TG: variants seen among roughly 807,000 people sequenced by gnomAD.
The protein encoded by TG is thyroglobulin.
In TG, 270 loss-of-function variants were observed where a neutral mutation model predicts 324.7. That is an observed-to-expected ratio of 0.83 (90% CI 0.75 to 0.92). The LOEUF (loss-of-function observed/expected upper bound fraction) is 0.92. TG is among the 40% of genes least tolerant of loss of function. The probability of loss-of-function intolerance (pLI) is 0.00; values close to 1 mark genes in which losing one functional copy is unlikely to be tolerated. For synonymous variants in TG, 1,401 were observed against 1,327.0 expected (o/e 1.06, Z -1.21); for missense variants, 3,591 against 3,456.4 (o/e 1.04, Z -0.98).
rs530670609 is a variant in TG, at chr8:133,010,856, G to C, written c.6263-1045G>C. 9.2e-5 allele frequency among the ~76,000 whole-genome samples: 14 copies of C among 152,258 alleles called. No individual in the cohort carries two copies. In the South Asian group the frequency reaches 1.2e-3, roughly 14 times the overall value. ...CCATGCTGAGACAGCCACGTCCTAC[G>C]TACAGGACTAGGGAGGCAGCACCAG... On this transcript the variant is annotated intron_variant, in intron 35 of 47. Transcript: ENST00000220616.
intron 41 of TG, among the ~76,000 whole-genome samples, chr8:133,040,870 C>T (rs565891784): frequency 6.6e-6 from 1 of 152,212 alleles, no homozygotes; most frequent in Non-Finnish European, 1.5e-5. Context: ...CTCTTTCACT[C>T]TAGAAGCTCA....
chr8:132,988,444 G>A (rs1201436510), intron 35 of TG, among the ~76,000 whole-genome samples: 7 of 102,212 alleles, frequency 6.8e-5, no homozygotes, highest in Non-Finnish European at 1.3e-4. Flanking sequence ...GGGCCAAAGC[G>A]TAAAGTGCAT....
intron 20 of TG, among the ~76,000 whole-genome samples, chr8:132,914,955 CGTGTGTGTATGAGTGT>C: frequency 2.0e-5 from 3 of 151,722 alleles, no homozygotes; most frequent in Admixed American, 2.0e-4. Flanking sequence ...GTGTATGTGG[CGTGTGTGTATGAGTGT>C]GTGTGTGTAT....
intron 16 of TG, among the ~76,000 whole-genome samples, chr8:132,902,815 C>G (rs377099105): frequency 6.6e-6 from 1 of 152,140 alleles, no homozygotes; most frequent in African/African-American, 2.4e-5. Flanking sequence ...GCTCCTTTAG[C>G]GCTTAGGAAG....
chr8:132,917,552 C>G (rs984604869), intron 20 of TG, among the ~76,000 whole-genome samples: 1 of 152,068 alleles, frequency 6.6e-6, no homozygotes, highest in East Asian at 1.9e-4. Context: ...GGAAACGTGA[C>G]AAGAAGTGGG....
At chr8:133,024,817 G>A (rs901832359) in intron 40 of TG, among the ~76,000 whole-genome samples, 1 of 152,120 alleles carries the variant, frequency 6.6e-6, no homozygotes, top group Admixed American at 6.6e-5. Context: ...TCAGTGATGG[G>A]CGTTTGGGTT....
At chr8:132,948,993 A>G (rs764186485) in intron 27 of TG, 50 bp downstream of exon 27, 9 of 1,541,714 alleles carry the variant, frequency 5.8e-6, no homozygotes, top group Admixed American at 1.7e-5. Flanking sequence ...TCTTCACACG[A>G]GCAAGGCCCT....
In TG at chr8:132,948,950, C is replaced by G. The variant is rs749339050; in HGVS notation, c.5401+7C>G. The G allele has an allele frequency of 1.2e-6, 2 of 1,612,454 alleles. No individual in the cohort carries two copies. Among genetic ancestry groups the G allele is most frequent in the Non-Finnish European group, 1.7e-6 (2 of 1,179,824 alleles). ...GACCAGGAGTTCATCAAGAGTAAGT[C>G]TTTGCCATTTGTCCATATTCTTTCA... On this transcript the variant is annotated splice_region_variant and intron_variant, in intron 27 of 47. Coordinates refer to ENST00000220616, the MANE Select transcript of TG (RefSeq NM_003235.5).
chr8:132,868,299 C>A, intron 2 of TG, 76 bp downstream of exon 2: 1 of 1,346,582 alleles, frequency 7.4e-7, no homozygotes, highest in Non-Finnish European at 1.0e-6. Context: ...CCCCCTCTTC[C>A]TGAGCTCTGC....
chr8:132,871,811 A>G (rs80243526), intron 4 of TG, among the ~76,000 whole-genome samples: 9 of 152,358 alleles, frequency 5.9e-5, no homozygotes, highest in Admixed American at 1.3e-4. Flanking sequence ...GACCTGAGTC[A>G]CTGCATGGGT....
intron 5 of TG, among the ~76,000 whole-genome samples, chr8:132,877,507 G>A (rs529131451): frequency 6.6e-6 from 1 of 152,184 alleles, no homozygotes; most frequent in Non-Finnish European, 1.5e-5. Flanking sequence ...TTGTGAGTCA[G>A]TGTTTAGATT....
At chr8:133,001,696 C>T in intron 35 of TG, 1 of 973,708 alleles carries the variant, frequency 1.0e-6, no homozygotes, top group Non-Finnish European at 1.2e-6. Flanking sequence ...GAGCTGGGCT[C>T]TTCCTTCCAG....
chr8:133,105,692 G>A (rs1177365280), intron 43 of TG, among the ~76,000 whole-genome samples: 1 of 152,182 alleles, frequency 6.6e-6, no homozygotes, highest in East Asian at 1.9e-4. Flanking sequence ...CTTCAAGCAA[G>A]GAGAGGAAAT....
chr8:133,096,336 A>G lies in TG; in HGVS notation c.7535A>G (p.Gln2512Arg). 1 of 1,614,228 alleles carries G rather than the reference A, an allele frequency of 6.2e-7. No homozygotes were observed. The highest frequency in any genetic ancestry group is 1.3e-5 in the African/African-American group (1 of 75,070). The change falls in exon 43 of 48, where the codon CAG becomes CGG. Residue 2512 changes from glutamine (Q) to arginine (R), a missense_variant. By Grantham distance (43) the Gln-to-Arg change is conservative. Transcript: ENST00000220616. ...VEVDLLIGSS[Q>R]DDGLINRAKA... ...GTCGATCTGCTCATTGGGAGTTCTCAGGACGACGGGCTCATCAACAGAGCA... is the reference window on the plus strand; with the variant it reads ...GTCGATCTGCTCATTGGGAGTTCTCGGGACGACGGGCTCATCAACAGAGCA...
chr8:132,872,204 C>T (rs745699608), intron 4 of TG, among the ~76,000 whole-genome samples: 6 of 152,044 alleles, frequency 3.9e-5, no homozygotes, highest in East Asian at 3.9e-4. Flanking sequence ...ATTGGCCGGG[C>T]GCGGTGGCTC....
rs574535707 is a variant in TG at position 132,891,841 on chromosome 8, G to GATC, written c.2762-1848_2762-1846dup. 1.3e-4 allele frequency among the ~76,000 whole-genome samples: 20 copies of GATC among 152,240 alleles called. 1 individual carries two copies. The South Asian group carries it at 3.9e-3, about 30-fold the overall frequency. ...ATTCTGGAAGTCAAAGTTTTCTGTT[G>GATC]ATCCCATGCTCTCAAAAGAATCCAA... is the stretch of plus-strand genomic sequence containing the variant. On this transcript the variant is annotated intron_variant, in intron 10 of 47. Coordinates refer to ENST00000220616, the MANE Select transcript of TG (RefSeq NM_003235.5).
At chr8:133,002,144 T>C in intron 35 of TG, 1 of 985,442 alleles carries the variant, frequency 1.0e-6, no homozygotes, top group African/African-American at 1.7e-5. Flanking sequence ...CCCTTGGATC[T>C]GATACAAAAA....
chr8:133,066,397 G>C (rs2131377739), intron 41 of TG, among the ~76,000 whole-genome samples: 1 of 151,440 alleles, frequency 6.6e-6, no homozygotes, highest in Middle Eastern at 3.4e-3. Context: ...AGGAATACTA[G>C]CTGTGCTTTT....
intron 45 of TG, among the ~76,000 whole-genome samples, chr8:133,128,875 G>T (rs779943517): frequency 7.9e-5 from 12 of 152,302 alleles, no homozygotes; most frequent in Non-Finnish European, 1.3e-4. Flanking sequence ...CAGACACAGC[G>T]CAGGGCAATG....
Sources: gnomAD v4.1 joint callset for allele counts (sites outside exome capture counted in the v4.1 genomes callset) on GRCh38, gnomAD v4.1.1 for gene constraint, MANE v1.5 for transcripts, NCBI Gene and HGNC (gene_info 2026-07-23, HGNC 2026-07-21) for gene names.